JAKMIP3: variants seen among roughly 807,000 people sequenced by gnomAD.
The protein encoded by JAKMIP3 is janus kinase and microtubule-interacting protein 3.
JAKMIP3 carries 58 observed loss-of-function variants against 118.5 expected under a neutral mutation model. The ratio of observed to expected loss-of-function variants is 0.49; its 90% CI spans 0.40 to 0.61. The LOEUF is 0.61. Ranked by LOEUF, JAKMIP3 falls within the 20% of genes least tolerant of loss-of-function variation. The pLI, the probability that JAKMIP3 is intolerant of heterozygous loss-of-function variation, is 0.00. For missense variants in JAKMIP3, 950 were observed against 1,109.0 expected (o/e 0.86, Z 2.04); for synonymous variants, 486 against 451.2 (o/e 1.08, Z -0.98).
intron 3 of JAKMIP3, among the ~76,000 whole-genome samples, chr10:132,132,183 G>C (rs2050769663): frequency 6.6e-6 from 1 of 152,206 alleles, no homozygotes; most frequent in African/African-American, 2.4e-5. Flanking sequence ...AGGCTAATTA[G>C]ACATCTCATT....
chr10:132,166,846 C>A (rs1255265563), intron 21 of JAKMIP3, 137 bp from the exon 22 acceptor site: 3 of 685,278 alleles, frequency 4.4e-6, no homozygotes, highest in Non-Finnish European at 7.6e-6. Flanking sequence ...TCGGCACAGT[C>A]CTTAATAGCG....
rs1390589810 is a variant in JAKMIP3, at chr10:132,168,028, C to T, written c.*98C>T. 1.6e-6 allele frequency: 2 copies of T among 1,289,632 alleles called. No individual in the cohort carries two copies. Among genetic ancestry groups the T allele is most frequent in the Non-Finnish European group, 2.0e-6 (2 of 988,836 alleles). The allele number at this position is 1,289,632 out of a possible 1,614,324, so 79.9% of individuals were successfully genotyped here. A position where few individuals can be genotyped will look rare whatever the true frequency, so the allele number is the denominator to read the frequency against. On this transcript the variant is annotated 3_prime_UTR_variant, in exon 23 of 24. Transcript: ENST00000684848. ...CAAAATGGGACGTCGCGTCTCCATC[C>T]TGAAGACCCAGGGAGATTTGGTCTC...
intron 9 of JAKMIP3, 51 bp from the exon 10 acceptor site, chr10:132,140,400 C>T (rs1340101192): frequency 6.2e-6 from 10 of 1,607,418 alleles, no homozygotes; most frequent in African/African-American, 1.3e-5. Flanking sequence ...CGGGAGGAGG[C>T]GGCTGTGCCT....
upstream of JAKMIP3, among the ~76,000 whole-genome samples, chr10:132,063,462 T>C (rs188062038): frequency 6.6e-6 from 1 of 152,348 alleles, no homozygotes; most frequent in Non-Finnish European, 1.5e-5. Context: ...TTCTTATTCA[T>C]CTATTCCTGT....
intron 9 of JAKMIP3, among the ~76,000 whole-genome samples, chr10:132,139,204 G>GTATGTT (rs112246622): frequency 1.5e-5 from 2 of 130,340 alleles, no homozygotes; most frequent in Non-Finnish European, 3.3e-5. Context: ...GTATGAGTGT[G>GTATGTT]TGTGTGTATG....
rs1490377192 is a variant in JAKMIP3, at chr10:132,180,774, T to TGCGTGCGTGTGTGCGTGC, written c.*1104-1582_*1104-1581insCGTGCGTGTGTGCGTGCG. ...GCGCGTGTGTGCGTGTGTGTGCGTG[T>TGCGTGCGTGTGTGCGTGC]GTGTGTGTGCGCGTATGCATGTGCT... On this transcript the variant is annotated intron_variant, in intron 23 of 23. Transcript: ENST00000684848. Among the ~76,000 whole-genome samples, 5 of 65,884 alleles carry TGCGTGCGTGTGTGCGTGC rather than the reference T, an allele frequency of 7.6e-5. 2 individuals carry two copies. The highest frequency in any genetic ancestry group is 3.1e-4 in the African/African-American group (5 of 16,016). The allele number at this position is 65,884 out of a possible 152,430, so 43.2% of individuals were successfully genotyped here.
Position 132,139,250 on chromosome 10 carries a change from ATGTGTGT to A in JAKMIP3, c.1344+1073_1344+1079del, listed in dbSNP as rs1564947815. On this transcript the variant is annotated intron_variant, in intron 9 of 23. Transcript: ENST00000684848. ...TGAGTGTATATGCATCTGTGTGTGTATGTGTGTGTGTGTATGTGTGTACATGTGAGTG... is the reference window on the plus strand; with the variant it reads ...TGAGTGTATATGCATCTGTGTGTGTAGTGTGTATGTGTGTACATGTGAGTG... 2.9e-3 allele frequency among the ~76,000 whole-genome samples: 210 copies of A among 72,612 alleles called. 5 individuals are homozygous for A. The highest frequency in any genetic ancestry group is 5.3e-3 in the Non-Finnish European group (162 of 30,344). 47.6% of individuals were successfully genotyped at this position (72,612 alleles called of 152,430 possible).
At chr10:132,048,795 C>G (rs2038011983) in intron 1 of JAKMIP3, among the ~76,000 whole-genome samples, 2 of 99,954 alleles carry the variant, frequency 2.0e-5, no homozygotes, top group Non-Finnish European at 4.4e-5. Context: ...CGCCACCACC[C>G]CCGACTAATT....
At chr10:132,124,422 C>T (rs2049125086) in intron 3 of JAKMIP3, among the ~76,000 whole-genome samples, 2 of 150,930 alleles carry the variant, frequency 1.3e-5, no homozygotes, top group African/African-American at 4.9e-5. Flanking sequence ...GCCATGCAGT[C>T]ACCTGTCCCA....
intron 12 of JAKMIP3, 62 bp downstream of exon 12, chr10:132,145,252 A>G: frequency 7.4e-7 from 1 of 1,342,646 alleles, no homozygotes; most frequent in East Asian, 2.5e-5. Context: ...ATTTGGCTGT[A>G]CCTAAAGACA....
At chr10:132,124,652 C>T (rs1454640401) in intron 3 of JAKMIP3, among the ~76,000 whole-genome samples, 3 of 152,256 alleles carry the variant, frequency 2.0e-5, no homozygotes, top group African/African-American at 4.8e-5. Flanking sequence ...CGCGGTCACC[C>T]GTCCTTCTGT....
At chr10:132,113,513 G>A (rs1417671855) in intron 2 of JAKMIP3, among the ~76,000 whole-genome samples, 2 of 152,236 alleles carry the variant, frequency 1.3e-5, no homozygotes, top group African/African-American at 2.4e-5. Context: ...TGCTAAGGAC[G>A]TTAGGTTGTA....
rs926397882 is a variant in JAKMIP3, at chr10:132,175,698, C to T, written c.*1104-6659C>T. On this transcript the variant is annotated intron_variant, in intron 23 of 23. Coordinates refer to ENST00000684848, the MANE Select transcript of JAKMIP3 (RefSeq NM_001323087.2). The stretch of plus-strand genomic sequence containing the variant: ...TCTTCTGAGCTGGGTCACAGACTGC[C>T]GCCTCCATGCTGCTGCTGGAGATGA... Among the ~76,000 whole-genome samples, 22 of 152,280 alleles carry T rather than the reference C, an allele frequency of 1.4e-4. No individual in the cohort carries two copies. The East Asian group carries it at 2.1e-3, about 15-fold the overall frequency.
intron 10 of JAKMIP3, among the ~76,000 whole-genome samples, chr10:132,141,283 G>T (rs1018060484): frequency 2.0e-5 from 3 of 152,172 alleles, no homozygotes; most frequent in Admixed American, 1.3e-4. Context: ...TTGGGCAGGG[G>T]AACTGGGCCA....
At chr10:132,082,146 C>T (rs1431289428) in intron 1 of JAKMIP3, among the ~76,000 whole-genome samples, 1 of 131,332 alleles carries the variant, frequency 7.6e-6, no homozygotes, top group East Asian at 2.4e-4. Context: ...TGATTAGATG[C>T]CAGACATTGG....
chr10:132,074,674 ATTTTAG>A (rs2040497635), intron 1 of JAKMIP3, among the ~76,000 whole-genome samples: 1 of 152,110 alleles, frequency 6.6e-6, no homozygotes, highest in African/African-American at 2.4e-5. Flanking sequence ...GTGCAGAAAC[ATTTTAG>A]TTTAAGTCCC....
At chr10:132,113,831 A>T (rs1310281334) in intron 2 of JAKMIP3, among the ~76,000 whole-genome samples, 1 of 152,358 alleles carries the variant, frequency 6.6e-6, no homozygotes. Flanking sequence ...CATTCACGTA[A>T]AAAAGGCTTT....
At chr10:132,053,336 G>T (rs1027310413) in intron 1 of JAKMIP3, among the ~76,000 whole-genome samples, 1 of 152,218 alleles carries the variant, frequency 6.6e-6, no homozygotes, top group East Asian at 1.9e-4. Flanking sequence ...AGTGTGGGTT[G>T]TATAGTTCTG....
Position 132,137,367 on chromosome 10 carries a change from G to A in JAKMIP3, c.1284+78G>A, listed in dbSNP as rs1202903787. On this transcript the variant is annotated intron_variant, in intron 8 of 23. Coordinates refer to ENST00000684848, the MANE Select transcript of JAKMIP3 (RefSeq NM_001323087.2). The stretch of plus-strand genomic sequence containing the variant: ...CCGTGGGACCCATTCTGTGCCCAGG[G>A]CTCCTCACAGACCAGACAGAAGCGG... The A allele has an allele frequency of 2.9e-5, 46 of 1,560,230 alleles. No homozygotes were observed. In the East Asian group the frequency reaches 9.6e-4, roughly 33 times the overall value.
Sources: allele counts gnomAD v4.1 joint callset (sites outside exome capture counted in the v4.1 genomes callset), GRCh38; gene constraint gnomAD v4.1.1; transcripts MANE v1.5; gene names NCBI Gene and HGNC (gene_info 2026-07-23, HGNC 2026-07-21).